Variants in COX11 observed in about 807,000 individuals in gnomAD.
The protein encoded by COX11 is cytochrome c oxidase copper chaperone COX11, also known as cytochrome c oxidase assembly protein COX11, mitochondrial.
COX11 carries 18 observed loss-of-function variants against 29.4 expected under a neutral mutation model. The observed-to-expected ratio is 0.61, with a 90% CI of 0.42 to 0.91. COX11 has a LOEUF of 0.91. Among genes scored for constraint, COX11 ranks in the 40% least tolerant of loss-of-function variants. COX11 has a pLI of 0.00. For missense variants in COX11, 312 were observed against 346.0 expected (o/e 0.90, Z 0.78); for synonymous variants, 131 against 124.0 (o/e 1.06, Z -0.38).
intron 1 of COX11, among the ~76,000 whole-genome samples, chr17:54,967,994 A>G (rs1465997809): frequency 5.5e-5 from 2 of 36,138 alleles, no homozygotes; most frequent in South Asian, 1.5e-3. Context: ...GAGGCTGCGG[A>G]CCTTTTTTTT....
chr17:54,958,595 G>A (rs535642011), downstream of COX11, among the ~76,000 whole-genome samples: 1 of 152,266 alleles, frequency 6.6e-6, no homozygotes, highest in East Asian at 1.9e-4. Context: ...GCCAGGCGTG[G>A]TAGCGGGTGT....
At chr17:54,956,471 A>C (rs1384492564), downstream of COX11, among the ~76,000 whole-genome samples, 2 of 151,860 alleles carry the variant, frequency 1.3e-5, no homozygotes, top group African/African-American at 4.8e-5. Flanking sequence ...ACGCCTGGCT[A>C]ATTTTTTTGT....
chr17:54,958,558 CT>C (rs2077014372), downstream of COX11: 1 of 152,242 alleles, frequency 6.6e-6, no homozygotes, highest in Admixed American at 6.6e-5. Flanking sequence ...TGGCAAAACC[CT>C]GTCTCTACTA....
Position 54,960,994 on chromosome 17 carries a change from G to A in COX11, c.*1739C>T, listed in dbSNP as rs982268678. 1.8e-6 allele frequency: 1 copy of A among 556,506 alleles called. No individual in the cohort carries two copies. Among genetic ancestry groups the A allele is most frequent in the Non-Finnish European group, 3.2e-6 (1 of 315,202 alleles). 34.5% of individuals were successfully genotyped at this position (556,506 alleles called of 1,614,324 possible). A position where few individuals can be genotyped will look rare whatever the true frequency, so the allele number is the denominator to read the frequency against. On this transcript the variant is annotated 3_prime_UTR_variant, in exon 4 of 4. Coordinates refer to ENST00000299335, the MANE Select transcript of COX11 (RefSeq NM_004375.5). ...CATTTACCGTTAGTCCTCCAAATAG[G>A]TCTGAATTTTTCCTATTTTCAGCAC...
At chr17:54,967,675 C>A (rs2077272890) in intron 1 of COX11, among the ~76,000 whole-genome samples, 1 of 133,594 alleles carries the variant, frequency 7.5e-6, no homozygotes, top group Non-Finnish European at 1.5e-5. Flanking sequence ...CCGGGTGATG[C>A]TGATGCTGCC....
intron 2 of COX11, chr17:54,964,363 T>C (rs1321484923): frequency 8.5e-6 from 2 of 234,194 alleles, no homozygotes; most frequent in South Asian, 6.4e-5. Context: ...CTTCTATGCC[T>C]GAGGAAAAGT....
In COX11 at chr17:54,960,627, G is replaced by A. The variant is rs1598098852; in HGVS notation, c.*2106C>T. 6.2e-7 allele frequency: 1 copy of A among 1,603,964 alleles called. No homozygotes were observed. The highest frequency in any genetic ancestry group is 8.5e-7 in the Non-Finnish European group (1 of 1,171,548). On this transcript the variant is annotated 3_prime_UTR_variant, in exon 4 of 4. Coordinates refer to ENST00000299335, the MANE Select transcript of COX11 (RefSeq NM_004375.5). ...AGGAGCTCAAAATGATGGTGACTGA[G>A]GTAAAGACTTCAACTTATACAACTT...
At chr17:54,968,161 G>A in intron 1 of COX11, 120 bp downstream of exon 1, 1 of 1,456,504 alleles carries the variant, frequency 6.9e-7, no homozygotes, top group Non-Finnish European at 9.1e-7. Context: ...CTCCTCTTAG[G>A]TAGATAATAT....
At chr17:54,967,091 G>A (rs547033878) in intron 1 of COX11, among the ~76,000 whole-genome samples, 1 of 151,126 alleles carries the variant, frequency 6.6e-6, no homozygotes, top group South Asian at 2.1e-4. Flanking sequence ...GTGAACTCCA[G>A]CTAAGAATAC....
At chr17:54,952,054 A>G (rs1567843150) in exon 1 of COX11, 1 of 152,184 alleles carries the variant, frequency 6.6e-6, no homozygotes, top group Non-Finnish European at 1.5e-5. Flanking sequence ...AAAACTAAAT[A>G]TGTTTTAGGG....
intron 1 of COX11, among the ~76,000 whole-genome samples, chr17:54,966,970 GTT>G (rs1180041432): frequency 2.0e-5 from 3 of 152,078 alleles, no homozygotes; most frequent in African/African-American, 7.2e-5. Context: ...GAGCCCAGGA[GTT>G]GAGACCAGCC....
At chr17:54,967,069 C>T (rs1295973154) in intron 1 of COX11, among the ~76,000 whole-genome samples, 1 of 151,292 alleles carries the variant, frequency 6.6e-6, no homozygotes, top group Non-Finnish European at 1.5e-5. Context: ...CACACACACA[C>T]ACACGGAAAG....
intron 1 of COX11, among the ~76,000 whole-genome samples, chr17:54,965,121 A>G (rs973382608): frequency 8.5e-5 from 13 of 152,236 alleles, no homozygotes; most frequent in Admixed American, 7.2e-4. Flanking sequence ...GGTTCACTAG[A>G]TAAGTCAACT....
At chr17:54,958,724 C>G (rs1254112033), downstream of COX11, among the ~76,000 whole-genome samples, 1 of 61,702 alleles carries the variant, frequency 1.6e-5, no homozygotes, top group Non-Finnish European at 3.4e-5. Context: ...GAGTGAAACT[C>G]CATCTCAAAA....
At chr17:54,964,892 G>A (rs1309742985) in intron 1 of COX11, 40 bp from the exon 2 acceptor site, 5 of 1,575,196 alleles carry the variant, frequency 3.2e-6, no homozygotes, top group Non-Finnish European at 4.3e-6. Flanking sequence ...ATACTTTTAG[G>A]TGTTGATGAT....
chr17:54,968,439 G>A lies in COX11; in HGVS notation c.208C>T (p.Pro70Ser). ...TTCGAGCTCTTAGGCCGCCGCGGCG[G>A]CTGCAATGCTGGATGCCGGGCTCGA... ...SLRARHPALQPPRRPKSSNPF... is the reference protein window; with the variant it reads ...SLRARHPALQSPRRPKSSNPF... Residue 70 changes from proline (P) to serine (S), a missense_variant, in exon 1 of 4, where the codon CCG (proline) becomes TCG (serine). By Grantham distance (74) the Pro-to-Ser change is moderately conservative. Around this residue, in one of 2 missense-constraint regions of COX11, gnomAD observed 130 missense variants for 106.0 expected, o/e 1.23. Coordinates refer to ENST00000299335, the MANE Select transcript of COX11 (RefSeq NM_004375.5). 6.2e-7 allele frequency: 1 copy of A among 1,613,530 alleles called. No homozygotes were observed. Among genetic ancestry groups the A allele is most frequent in the Non-Finnish European group, 8.5e-7 (1 of 1,180,012 alleles).
chr17:54,956,332 T>C (rs1222436298), downstream of COX11, among the ~76,000 whole-genome samples: 2 of 151,844 alleles, frequency 1.3e-5, no homozygotes, highest in East Asian at 3.9e-4. Flanking sequence ...TGAGACAGAG[T>C]GTCACTCTGT....
At chr17:54,956,857 G>C (rs960107247), downstream of COX11, 1 of 152,290 alleles carries the variant, frequency 6.6e-6, no homozygotes, top group East Asian at 1.9e-4. Context: ...AGAGAGGGAA[G>C]AGGGTATGTC....
At chr17:54,964,549 A>G in intron 2 of COX11, 148 bp downstream of exon 2, 1 of 750,682 alleles carries the variant, frequency 1.3e-6, no homozygotes, top group Non-Finnish European at 2.2e-6. Flanking sequence ...TTTAAGTTAC[A>G]TGATAGTAAA....
Sources: allele counts gnomAD v4.1 joint callset (sites outside exome capture counted in the v4.1 genomes callset), GRCh38; gene constraint gnomAD v4.1.1; regional missense constraint gnomAD v4.1.1; transcripts MANE v1.5; gene names NCBI Gene and HGNC (gene_info 2026-07-23, HGNC 2026-07-21).